The following CSNK1D variants were observed in gnomAD, a reference collection of about 807,000 sequenced individuals.
CSNK1D encodes the protein casein kinase 1 delta.
CSNK1D carries 16 observed loss-of-function variants against 46.6 expected under a neutral mutation model. The observed-to-expected ratio is 0.34, with a 90% CI of 0.23 to 0.52. CSNK1D has a LOEUF of 0.52. Ranked by LOEUF, CSNK1D falls within the 20% of genes least tolerant of loss-of-function variation. CSNK1D has a pLI of 0.95. For synonymous variants in CSNK1D, 276 were observed against 228.2 expected (o/e 1.21, Z -1.89); for missense variants, 398 against 578.4 (o/e 0.69, Z 3.20).
chr17:82,257,103 G>A (rs2051192932), intron 2 of CSNK1D, among the ~76,000 whole-genome samples: 1 of 152,102 alleles, frequency 6.6e-6, no homozygotes, highest in Non-Finnish European at 1.5e-5. Flanking sequence ...AGGACTACAG[G>A]TGGGCGCCAC....
Position 82,248,636 on chromosome 17 carries a change from C to CT in CSNK1D, c.1197+238dup. The CT allele has an allele frequency of 7.3e-7, 1 of 1,376,534 alleles. No individual in the cohort carries two copies. Among genetic ancestry groups the CT allele is most frequent in the East Asian group, 2.8e-5 (1 of 35,286 alleles). 85.3% of individuals were successfully genotyped at this position (1,376,534 alleles called of 1,614,324 possible). ...CCCACGGTTTGCTGGCCTCAGGGACCTGAGACCTGAGACTGGCCACCTGCA... is the reference window on the plus strand; with the variant it reads ...CCCACGGTTTGCTGGCCTCAGGGACCTTGAGACCTGAGACTGGCCACCTGCA... On this transcript the variant is annotated intron_variant, in intron 8 of 8. Transcript: ENST00000314028. The surrounding 1 kb of genome is among the most constrained non-coding windows in gnomAD (Gnocchi z 4.1).
Position 82,243,082 on chromosome 17 carries a change from A to T in CSNK1D, c.*1699T>A. The T allele has an allele frequency of 1.0e-6, 1 of 985,462 alleles. No homozygotes were observed. The highest frequency in any genetic ancestry group is 1.2e-6 in the Non-Finnish European group (1 of 829,944). 61.0% of individuals were successfully genotyped at this position (985,462 alleles called of 1,614,324 possible). The stretch of plus-strand genomic sequence containing the variant: ...CACCCCAACCTCCCTCTGTACTTCA[A>T]CACACAGCTCCCACCCGCTCAAGGC... On this transcript the variant is annotated 3_prime_UTR_variant, in exon 9 of 9. Transcript: ENST00000314028.
At position 82,248,497 on chromosome 17, in the gene CSNK1D, G is replaced by A; in HGVS notation, c.1197+378C>T. On this transcript the variant is annotated intron_variant, in intron 8 of 8. Transcript: ENST00000314028. This position sits in a 1 kb window ranked among gnomAD's most constrained non-coding sequence, Gnocchi z 4.1. ...GCCAGTGGCAAGAATGAGGAAGAAT[G>A]AGGAAGGCTCCCTCGGGCTGGGGGC... The A allele has an allele frequency of 9.1e-7, 1 of 1,101,374 alleles. No individual in the cohort carries two copies. The highest frequency in any genetic ancestry group is 1.1e-6 in the Non-Finnish European group (1 of 897,638). The allele number at this position is 1,101,374 out of a possible 1,614,324, so 68.2% of individuals were successfully genotyped here.
intron 8 of CSNK1D, chr17:82,247,993 G>A: frequency 3.0e-6 from 3 of 985,456 alleles, no homozygotes; most frequent in Non-Finnish European, 3.6e-6. Flanking sequence ...GCTCACGGCA[G>A]CAGGCCTGGC....
chr17:82,246,269 A>G (rs2050847891), intron 8 of CSNK1D: 1 of 1,444,184 alleles, frequency 6.9e-7, no homozygotes, highest in East Asian at 2.6e-5. Context: ...TAAGGCCAAC[A>G]ATGGCATGGG....
chr17:82,253,237 C>G lies in CSNK1D; in HGVS notation c.344G>C (p.Arg115Pro). 1 of 1,613,904 alleles carries G rather than the reference C, an allele frequency of 6.2e-7. No individual in the cohort carries two copies. Among genetic ancestry groups the G allele is most frequent in the Non-Finnish European group, 8.5e-7 (1 of 1,179,828 alleles). ...VLLLADQMIS[R>P]IEYIHSKNFI... is the part of the protein sequence containing the mutation. ...GTTCTTTGAATGAATGTATTCGATG[C>G]GACTGATCTGTGAGCAGAGCAAGGG... The change falls in exon 4 of 9, where the codon CGC becomes CCC. Residue 115 changes from arginine to proline, a missense_variant. Arg to Pro is a moderately radical substitution (Grantham distance 103). Coordinates refer to ENST00000314028, the MANE Select transcript of CSNK1D (RefSeq NM_001893.6).
chr17:82,244,894 C>T (rs1409210876), intron 8 of CSNK1D, 63 bp from the exon 9 acceptor site: 7 of 1,608,672 alleles, frequency 4.4e-6, no homozygotes, highest in African/African-American at 1.3e-5. Flanking sequence ...CAGGCAGATA[C>T]CACAGTGACG....
rs1388221120 is a variant in CSNK1D at position 82,273,140 on chromosome 17, T to C, written c.76+166A>G. On this transcript the variant is annotated intron_variant, in intron 1 of 8. Transcript: ENST00000314028. The surrounding 1 kb of genome is among the most constrained non-coding windows in gnomAD (Gnocchi z 5.1). ...CGCTCCCCACTGCCCTCCCCACCCC[T>C]GGCCGCGCTAGCCTAGTGGCCGTTG... The C allele has an allele frequency of 7.8e-6, 3 of 382,226 alleles. No homozygotes were observed. Among genetic ancestry groups the C allele is most frequent in the South Asian group, 2.2e-5 (1 of 46,206 alleles). The allele number at this position is 382,226 out of a possible 1,614,324, so 23.7% of individuals were successfully genotyped here. A position where few individuals can be genotyped will look rare whatever the true frequency, so the allele number is the denominator to read the frequency against.
chr17:82,255,408 C>G lies in CSNK1D; in HGVS notation c.336+21G>C. On this transcript the variant is annotated intron_variant, in intron 3 of 8. Coordinates refer to ENST00000314028, the MANE Select transcript of CSNK1D (RefSeq NM_001893.6). This position sits in a 1 kb window ranked among gnomAD's most constrained non-coding sequence, Gnocchi z 5.9. ...CTATCAGACAGCAAGTGTGTGCCAACTGTCAGGAAACAGTCCTTACCATTT... is the reference window on the plus strand; with the variant it reads ...CTATCAGACAGCAAGTGTGTGCCAAGTGTCAGGAAACAGTCCTTACCATTT... 1 of 1,614,066 alleles carries G rather than the reference C, an allele frequency of 6.2e-7. No individual in the cohort carries two copies. Among genetic ancestry groups the G allele is most frequent in the Non-Finnish European group, 8.5e-7 (1 of 1,179,944 alleles).
At chr17:82,263,564 G>T (rs533573778) in intron 2 of CSNK1D, among the ~76,000 whole-genome samples, 2 of 152,220 alleles carry the variant, frequency 1.3e-5, no homozygotes, top group African/African-American at 2.4e-5. Context: ...CACTAGTGCC[G>T]AGTGGAGAAG....
At chr17:82,254,050 C>A in intron 3 of CSNK1D, 1 of 99,016 alleles carries the variant, frequency 1.0e-5, no homozygotes, top group Non-Finnish European at 1.8e-5. Context: ...AGAAGCCAGT[C>A]AGCTGAGCCG....
rs2051044051 is a variant in CSNK1D, at chr17:82,252,679, TC to T, written c.566-76del. 6.8e-7 allele frequency: 1 copy of T among 1,469,526 alleles called. No homozygotes were observed. 91.0% of individuals were successfully genotyped at this position (1,469,526 alleles called of 1,614,324 possible). ...CAAAGCAAAAGACCCGGCTGGCCGT[TC>T]CAGTGGAGACTAGCCTCAGACACAC... is the stretch of plus-strand genomic sequence containing the variant. On this transcript the variant is annotated intron_variant, in intron 4 of 8. Transcript: ENST00000314028. The surrounding 1 kb of genome is among the most constrained non-coding windows in gnomAD (Gnocchi z 4.6).
chr17:82,252,741 G>T lies in CSNK1D; in HGVS notation c.566-137C>A. 1 of 926,636 alleles carries T rather than the reference G, an allele frequency of 1.1e-6. No homozygotes were observed. Among genetic ancestry groups the T allele is most frequent in the African/African-American group, 1.6e-5 (1 of 61,186 alleles). The allele number at this position is 926,636 out of a possible 1,614,324, so 57.4% of individuals were successfully genotyped here. On this transcript the variant is annotated intron_variant, in intron 4 of 8. Transcript: ENST00000314028. The surrounding 1 kb of genome is among the most constrained non-coding windows in gnomAD (Gnocchi z 4.6). ...CACTCCAGCTGGCACTTCCAGTGGAGACGAACCTCGGACACACATGCCCAG... is the reference window on the plus strand; with the variant it reads ...CACTCCAGCTGGCACTTCCAGTGGATACGAACCTCGGACACACATGCCCAG...
At chr17:82,242,263 C>G (rs1038067086), downstream of CSNK1D, among the ~76,000 whole-genome samples, 1 of 151,622 alleles carries the variant, frequency 6.6e-6, no homozygotes, top group African/African-American at 2.4e-5. Context: ...GCAGGGCCAT[C>G]GGGCAGCTCC....
rs1370896580 is a variant in CSNK1D, at chr17:82,246,390, G to C, written c.1198-1559C>G. 8 of 1,249,470 alleles carry C rather than the reference G, an allele frequency of 6.4e-6. No individual in the cohort carries two copies. The South Asian group carries it at 1.3e-4, about 20-fold the overall frequency. The allele number at this position is 1,249,470 out of a possible 1,614,324, so 77.4% of individuals were successfully genotyped here. ...CAGGGCACAGCCTGAAGGCAGGGGA[G>C]ACGCACATCCTCGCCGGTACGACGA... is the stretch of plus-strand genomic sequence containing the variant. On this transcript the variant is annotated intron_variant, in intron 8 of 8. Coordinates refer to ENST00000314028, the MANE Select transcript of CSNK1D (RefSeq NM_001893.6).
chr17:82,253,695 GCCAC>G (rs2051074022), intron 3 of CSNK1D: 1 of 344,748 alleles, frequency 2.9e-6, no homozygotes. Flanking sequence ...AGTGAGCTGA[GCCAC>G]CAGAGCCTCG....
chr17:82,240,017 C>T, downstream of CSNK1D: 1 of 1,233,774 alleles, frequency 8.1e-7, no homozygotes, highest in Non-Finnish European at 1.0e-6. Context: ...CAGCGGGTGC[C>T]CTGGCGGGCC....
rs1487706102 is a variant in CSNK1D at position 82,273,110 on chromosome 17, A to C, written c.76+196T>G. On this transcript the variant is annotated intron_variant, in intron 1 of 8. Coordinates refer to ENST00000314028, the MANE Select transcript of CSNK1D (RefSeq NM_001893.6). This position sits in a 1 kb window ranked among gnomAD's most constrained non-coding sequence, Gnocchi z 5.1. ...CCCGACCTGGTCCTGCCCCTCCCCCACGTCCGCTCCCCACTGCCCTCCCCA... is the reference window on the plus strand; with the variant it reads ...CCCGACCTGGTCCTGCCCCTCCCCCCCGTCCGCTCCCCACTGCCCTCCCCA... The C allele has an allele frequency of 2.4e-3, 170 of 71,646 alleles. No homozygotes were observed. Among genetic ancestry groups the C allele is most frequent in the Middle Eastern group, 0.01 (3 of 294 alleles). The allele number at this position is 71,646 out of a possible 1,614,324, so 4.4% of individuals were successfully genotyped here.
chr17:82,267,790 C>T (rs1315200267), intron 1 of CSNK1D, among the ~76,000 whole-genome samples: 4 of 152,240 alleles, frequency 2.6e-5, no homozygotes, highest in Non-Finnish European at 4.4e-5. Flanking sequence ...CCCAAGCAGG[C>T]GCAGTGCAGC....
Sources: gnomAD v4.1 joint callset for allele counts (sites outside exome capture counted in the v4.1 genomes callset) on GRCh38, gnomAD v4.1.1 for gene constraint, Gnocchi (gnomAD v3.1) non-coding constraint, MANE v1.5 for transcripts, NCBI Gene and HGNC (gene_info 2026-07-23, HGNC 2026-07-21) for gene names.